The following PINK1 variants were observed in gnomAD, a reference collection of about 807,000 sequenced individuals.
PINK1 encodes the protein serine/threonine-protein kinase PINK1, mitochondrial.
PINK1 carries 58 observed loss-of-function variants against 56.0 expected under a neutral mutation model. The ratio of observed to expected loss-of-function variants is 1.04; its 90% CI spans 0.84 to 1.29. The LOEUF is 1.29. Ranked by LOEUF, PINK1 falls within the 50% of genes most tolerant of loss-of-function variation. The probability of loss-of-function intolerance (pLI) is 0.00; values close to 1 mark genes in which losing one functional copy is unlikely to be tolerated. For missense variants in PINK1, 745 were observed against 777.9 expected (o/e 0.96, Z 0.50); for synonymous variants, 354 against 339.3 (o/e 1.04, Z -0.48).
chr1:20,646,426 A>G (rs2053182115), intron 5 of PINK1, among the ~76,000 whole-genome samples: 1 of 152,126 alleles, frequency 6.6e-6, no homozygotes, highest in Admixed American at 6.6e-5. Flanking sequence ...CGGGCAGATC[A>G]TGAGGTCAAG....
Position 20,633,918 on chromosome 1 carries a change from G to A in PINK1, c.370G>A (p.Ala124Thr). 1 of 1,584,768 alleles carries A rather than the reference G, an allele frequency of 6.3e-7. No homozygotes were observed. Among genetic ancestry groups the A allele is most frequent in the Non-Finnish European group, 8.6e-7 (1 of 1,168,494 alleles). Residue 124 changes from alanine to threonine, a missense_variant, in exon 1 of 8, where the codon GCC becomes ACC. Coordinates refer to ENST00000321556, the MANE Select transcript of PINK1 (RefSeq NM_032409.3). Reference protein sequence around the residue: ...KQAESRRAVSACQEIQAIFTQ... With the variant: ...KQAESRRAVSTCQEIQAIFTQ... The stretch of plus-strand genomic sequence containing the variant: ...GGCGGAGAGCCGGCGGGCGGTCTCG[G>A]CCTGTCAGGAGATCCAGGTGAGCGG...
In PINK1 at chr1:20,650,611, ATGCTCTTTC is replaced by A; in HGVS notation, c.1669_1677del (p.Leu557_Leu559del). On this transcript the variant is annotated inframe_deletion, in exon 8 of 8. Coordinates refer to ENST00000321556, the MANE Select transcript of PINK1 (RefSeq NM_032409.3). ...GTGTTGTGTGGAAACAAAAATGAAG[ATGCTCTTTC>A]TGGCTAACCTGGAGTGTGAAACGCT... The A allele has an allele frequency of 6.2e-7, 1 of 1,614,196 alleles. No individual in the cohort carries two copies. The highest frequency in any genetic ancestry group is 8.5e-7 in the Non-Finnish European group (1 of 1,180,028).
rs1302762072 is a variant in PINK1 at position 20,645,649 on chromosome 1, T to G, written c.1049T>G (p.Val350Gly). The G allele has an allele frequency of 6.2e-7, 1 of 1,613,926 alleles. No homozygotes were observed. The highest frequency in any genetic ancestry group is 8.5e-7 in the Non-Finnish European group (1 of 1,180,032). ...ATGCTGCTGCAGCTGCTGGAAGGCG[T>G]GGACCATCTGGTTCAACAGGGCATC... ...AMMLLQLLEG[V>G]DHLVQQGIAH... The change falls in exon 5 of 8, where the codon GTG becomes GGG. Residue 350 changes from valine (V) to glycine (G), a missense_variant. Coordinates refer to ENST00000321556, the MANE Select transcript of PINK1 (RefSeq NM_032409.3).
At chr1:20,636,532 C>T (rs1226933652) in intron 1 of PINK1, among the ~76,000 whole-genome samples, 11 of 151,948 alleles carry the variant, frequency 7.2e-5, no homozygotes, top group African/African-American at 1.9e-4. Flanking sequence ...TTAGTAGAGA[C>T]GGGGTTTCAC....
intron 4 of PINK1, 70 bp from the exon 5 acceptor site, chr1:20,645,490 A>AG: frequency 7.3e-7 from 1 of 1,368,326 alleles, no homozygotes; most frequent in African/African-American, 1.5e-5. Context: ...TCCATCTCAA[A>AG]AAAAAAAAAA....
chr1:20,650,355 G>T, intron 7 of PINK1, 79 bp from the exon 8 acceptor site: 1 of 1,572,382 alleles, frequency 6.4e-7, no homozygotes, highest in South Asian at 1.1e-5. Flanking sequence ...GAGAAGGGAA[G>T]ACCCTCACTA....
Position 20,637,824 on chromosome 1 carries a change from A to C in PINK1, c.388-18A>C. 1 of 1,613,490 alleles carries C rather than the reference A, an allele frequency of 6.2e-7. No individual in the cohort carries two copies. The highest frequency in any genetic ancestry group is 8.5e-7 in the Non-Finnish European group (1 of 1,179,980). On this transcript the variant is annotated intron_variant, in intron 1 of 7. Coordinates refer to ENST00000321556, the MANE Select transcript of PINK1 (RefSeq NM_032409.3). The stretch of plus-strand genomic sequence containing the variant: ...TCCTAGGCTCCCTGGCTCACGGTGC[A>C]TTCTTTTCTCATCACAGGCAATTTT...
chr1:20,647,053 A>ATT lies in PINK1; in HGVS notation c.1123+1350_1123+1351dup, dbSNP rs71585775. ...TGCCACCACGCCTAGCTAATTTTTG[A>ATT]TTTTTTTTTTTTTTTTTTTTTGAGA... On this transcript the variant is annotated intron_variant, in intron 5 of 7. Coordinates refer to ENST00000321556, the MANE Select transcript of PINK1 (RefSeq NM_032409.3). 6.3e-4 allele frequency among the ~76,000 whole-genome samples: 58 copies of ATT among 91,474 alleles called. 1 individual carries two copies. The highest frequency in any genetic ancestry group is 1.1e-3 in the African/African-American group (25 of 23,468). 60.0% of individuals were successfully genotyped at this position (91,474 alleles called of 152,430 possible). A position where few individuals can be genotyped will look rare whatever the true frequency, so the allele number is the denominator to read the frequency against.
chr1:20,649,547 T>C, intron 7 of PINK1: 2 of 342,388 alleles, frequency 5.8e-6, no homozygotes, highest in East Asian at 6.7e-5. Context: ...GGTGGATCAC[T>C]TGGGACCAGG....
At chr1:20,648,861 C>T (rs999622156) in intron 6 of PINK1, 134 bp from the exon 7 acceptor site, 4 of 1,256,592 alleles carry the variant, frequency 3.2e-6, no homozygotes, top group Non-Finnish European at 4.6e-6. Context: ...CCTTCTGGGT[C>T]TGAGCCACAG....
At chr1:20,644,759 G>C in intron 4 of PINK1, 87 bp downstream of exon 4, 1 of 1,521,388 alleles carries the variant, frequency 6.6e-7, no homozygotes, top group South Asian at 1.2e-5. Flanking sequence ...CCTTGATCAG[G>C]GGGTTTTGGA....
In PINK1 at chr1:20,637,891, GA is replaced by G. The variant is rs748277653; in HGVS notation, c.438del (p.Arg146SerfsTer12). The part of the protein sequence containing the change: ...SKPGPDPLDT[R>X]RLQGFRLEEY... ...CCGGGGCCTGACCCGTTGGACACGA[GA>G]CGCTTGCAGGGCTTTCGGCTGGAGG... On this transcript the variant is annotated frameshift_variant, in exon 2 of 8. Transcript: ENST00000321556. LOFTEE classifies it high-confidence loss of function. 6.2e-7 allele frequency: 1 copy of G among 1,614,220 alleles called. No individual in the cohort carries two copies. The highest frequency in any genetic ancestry group is 1.1e-5 in the South Asian group (1 of 91,088).
chr1:20,645,808 T>C, intron 5 of PINK1, 85 bp downstream of exon 5: 3 of 1,513,264 alleles, frequency 2.0e-6, no homozygotes, highest in South Asian at 2.3e-5. Context: ...TCAGGTCCTC[T>C]CTGGTTTTGT....
At chr1:20,646,118 AT>A (rs2053177820) in intron 5 of PINK1, among the ~76,000 whole-genome samples, 1 of 151,956 alleles carries the variant, frequency 6.6e-6, no homozygotes, top group South Asian at 2.1e-4. Context: ...CAAAAAAAAA[AT>A]ATGTTTTAAA....
In PINK1 at chr1:20,633,701, A is replaced by G. The variant is rs967760539; in HGVS notation, c.153A>G (p.Gly51=). ...VRGERPGWAA[G]PGAEPRRVGL... is the part of the protein sequence containing the mutation. ...GGGAGCGTCCAGGCTGGGCCGCAGG[A>G]CCGGGCGCGGAGCCTCGCAGGGTCG... Residue 51 remains glycine, a synonymous_variant, in exon 1 of 8, where the codon GGA becomes GGG. Coordinates refer to ENST00000321556, the MANE Select transcript of PINK1 (RefSeq NM_032409.3). 3.1e-5 allele frequency: 47 copies of G among 1,513,484 alleles called. No individual in the cohort carries two copies. In the African/African-American group the frequency reaches 5.0e-4, roughly 16 times the overall value. The allele number at this position is 1,513,484 out of a possible 1,614,324, so 93.8% of individuals were successfully genotyped here.
intron 6 of PINK1, 39 bp downstream of exon 6, chr1:20,648,671 C>A: frequency 6.2e-7 from 1 of 1,610,174 alleles, no homozygotes; most frequent in South Asian, 1.1e-5. Context: ...GGCAGCCCTT[C>A]CCCCACATGT....
chr1:20,648,543 T>C lies in PINK1; in HGVS notation c.1162T>C (p.Cys388Arg), dbSNP rs1553146806. 4 of 1,614,170 alleles carry C rather than the reference T, an allele frequency of 2.5e-6. No homozygotes were observed. Among genetic ancestry groups the C allele is most frequent in the East Asian group, 4.5e-5 (2 of 44,882 alleles). ...GCTGGTGATCGCAGATTTTGGCTGC[T>C]GCCTGGCTGATGAGAGCATCGGCCT... ...PWLVIADFGC[C>R]LADESIGLQL... The change falls in exon 6 of 8, where the codon TGC becomes CGC. Residue 388 changes from cysteine to arginine, a missense_variant. Transcript: ENST00000321556.
intron 7 of PINK1, 174 bp from the exon 8 acceptor site, chr1:20,650,260 C>A: frequency 2.5e-6 from 2 of 814,770 alleles, no homozygotes; most frequent in Non-Finnish European, 4.0e-6. Flanking sequence ...AAGCTTGGAG[C>A]ACGGGCAGGG....
rs142028165 is a variant in PINK1, at chr1:20,645,577, G to A, written c.977G>A (p.Arg326His). The change falls in exon 5 of 8, where the codon CGC becomes CAC. Residue 326 changes from arginine (R) to histidine (H), a missense_variant. Transcript: ENST00000321556. ...TCCGCCAGCTATCCCTGTACCCTGC[G>A]CCAGTACCTTTGTGTGAACACACCC... ...LVMKNYPCTL[R>H]QYLCVNTPSP... is the part of the protein sequence containing the mutation. The A allele has an allele frequency of 1.4e-5, 23 of 1,612,686 alleles. No homozygotes were observed. Among genetic ancestry groups the A allele is most frequent in the South Asian group, 7.7e-5 (7 of 91,068 alleles).
Sources: allele counts gnomAD v4.1 joint callset (sites outside exome capture counted in the v4.1 genomes callset), GRCh38; gene constraint gnomAD v4.1.1; transcripts MANE v1.5; gene names NCBI Gene and HGNC (gene_info 2026-07-23, HGNC 2026-07-21).